The following CENPK variants were observed in gnomAD, a reference collection of about 807,000 sequenced individuals.
CENPK encodes centromere protein K, also known as SoxLZ/Sox6-binding protein Solt.
In CENPK, 46 loss-of-function variants were observed where a neutral mutation model predicts 40.9. The observed-to-expected ratio is 1.13, with a 90% CI of 0.89 to 1.44. CENPK has a LOEUF of 1.44. CENPK is among the 40% of genes most tolerant of loss of function. The probability of loss-of-function intolerance (pLI) is 0.00; values close to 1 mark genes in which losing one functional copy is unlikely to be tolerated. For missense variants in CENPK, 288 were observed against 303.5 expected (o/e 0.95, Z 0.38); for synonymous variants, 107 against 104.4 (o/e 1.02, Z -0.15).
intron 6 of CENPK, among the ~76,000 whole-genome samples, chr5:65,539,665 C>T (rs970481303): frequency 6.8e-6 from 1 of 146,040 alleles, no homozygotes; most frequent in Non-Finnish European, 1.6e-5. Context: ...GCAAAATGGC[C>T]CTCTAGCAGC....
At chr5:65,528,674 A>G in intron 8 of CENPK, 96 bp from the exon 9 acceptor site, 1 of 1,341,902 alleles carries the variant, frequency 7.5e-7, no homozygotes, top group Non-Finnish European at 9.8e-7. Context: ...AACTTTGTTA[A>G]AACTTCATTT....
At chr5:65,533,397 A>T (rs72762428) in intron 6 of CENPK, among the ~76,000 whole-genome samples, 1 of 152,040 alleles carries the variant, frequency 6.6e-6, no homozygotes, top group Non-Finnish European at 1.5e-5. Context: ...ATAAGACTTC[A>T]TAAACTGTAA....
At chr5:65,557,093 G>A (rs1244236278) in intron 2 of CENPK, among the ~76,000 whole-genome samples, 1 of 152,096 alleles carries the variant, frequency 6.6e-6, no homozygotes, top group African/African-American at 2.4e-5. Flanking sequence ...AGGAGCTATT[G>A]AGGTAAGAAC....
At chr5:65,514,732 T>C (rs1294140178), downstream of CENPK, among the ~76,000 whole-genome samples, 4 of 152,224 alleles carry the variant, frequency 2.6e-5, no homozygotes, top group African/African-American at 7.2e-5. Context: ...ATTGATTCAA[T>C]TTATTTTATA....
chr5:65,515,721 C>A (rs1056661160), downstream of CENPK, among the ~76,000 whole-genome samples: 1 of 152,040 alleles, frequency 6.6e-6, no homozygotes, highest in African/African-American at 2.4e-5. Flanking sequence ...GTTAATTACC[C>A]TTTTATCACC....
chr5:65,550,988 T>C (rs972185353), intron 5 of CENPK: 1 of 163,970 alleles, frequency 6.1e-6, no homozygotes, highest in African/African-American at 2.4e-5. Flanking sequence ...ACGCCAGTAA[T>C]CCAGGCACTT....
intron 9 of CENPK, among the ~76,000 whole-genome samples, chr5:65,523,819 A>G (rs1186816374): frequency 6.6e-6 from 1 of 152,086 alleles, no homozygotes; most frequent in Non-Finnish European, 1.5e-5. Flanking sequence ...AATATAAAGA[A>G]CTCTCCAGAT....
chr5:65,547,956 G>A (rs926921198), intron 5 of CENPK, among the ~76,000 whole-genome samples: 5 of 152,302 alleles, frequency 3.3e-5, no homozygotes, highest in Middle Eastern at 3.4e-3. Context: ...GAGCCACAGC[G>A]CCCAGCCTGG....
chr5:65,524,428 A>G lies in CENPK; in HGVS notation c.598-2900T>C, dbSNP rs184011820. On this transcript the variant is annotated intron_variant, in intron 9 of 10. Coordinates refer to ENST00000396679, the MANE Select transcript of CENPK (RefSeq NM_022145.5). The stretch of plus-strand genomic sequence containing the variant: ...AACTCTGGGAGGCTGAGTCGGGCGG[A>G]TCATAAGGTCAGGAGGTCGAGACCA... Among the ~76,000 whole-genome samples, 4 of 150,826 alleles carry G rather than the reference A, an allele frequency of 2.7e-5. No individual in the cohort carries two copies. In the East Asian group the frequency reaches 7.8e-4, roughly 29 times the overall value.
At chr5:65,544,609 A>C (rs1469734353) in intron 5 of CENPK, among the ~76,000 whole-genome samples, 1 of 152,232 alleles carries the variant, frequency 6.6e-6, no homozygotes, top group Non-Finnish European at 1.5e-5. Flanking sequence ...CATTCACAGT[A>C]ATGAAATTAT....
rs749758005 is a variant in CENPK, at chr5:65,518,503, C to A, written c.782G>T (p.Arg261Leu). The A allele has an allele frequency of 6.2e-7, 1 of 1,611,930 alleles. No individual in the cohort carries two copies. Among genetic ancestry groups the A allele is most frequent in the South Asian group, 1.1e-5 (1 of 90,392 alleles). The change falls in exon 11 of 11, where the codon CGA (arginine) becomes CTA (leucine). Residue 261 changes from arginine (R) to leucine (L), a missense_variant. Transcript: ENST00000396679. ...CTGATGGAAAGCTTCTAATCTTATT[C>A]GGGTTGGATCTTCTGGATGTCTCAA... ...IALRHPEDPT[R>L]IRLEAFHQ
At chr5:65,555,721 AG>A (rs1303265320) in intron 2 of CENPK, among the ~76,000 whole-genome samples, 1 of 152,360 alleles carries the variant, frequency 6.6e-6, no homozygotes, top group East Asian at 1.9e-4. Flanking sequence ...ATTTCTTAAC[AG>A]CATGTATATG....
intron 9 of CENPK, among the ~76,000 whole-genome samples, chr5:65,525,409 T>C (rs1364762235): frequency 2.0e-5 from 3 of 152,138 alleles, no homozygotes; most frequent in Non-Finnish European, 2.9e-5. Context: ...TATTAGCATT[T>C]ACAAAATTAC....
In CENPK at chr5:65,561,509, C is replaced by A. The variant is rs2150571791; in HGVS notation, c.-86G>T. 2.2e-6 allele frequency: 1 copy of A among 456,020 alleles called. No homozygotes were observed. The highest frequency in any genetic ancestry group is 1.5e-5 in the South Asian group (1 of 64,554). 28.2% of individuals were successfully genotyped at this position (456,020 alleles called of 1,614,324 possible). On this transcript the variant is annotated 5_prime_UTR_variant, in exon 2 of 11. An upstream start codon of the reference 5' UTR is lost. Transcript: ENST00000396679. The stretch of plus-strand genomic sequence containing the variant: ...AGCTGTATGTAACCTGGAAGAGGGT[C>A]ATCAACAGAACCAGAAAATGATGGC...
At chr5:65,536,752 T>C (rs933576170) in intron 6 of CENPK, among the ~76,000 whole-genome samples, 1 of 152,240 alleles carries the variant, frequency 6.6e-6, no homozygotes, top group African/African-American at 2.4e-5. Flanking sequence ...CAACTTATAA[T>C]GGTAAAATTT....
At chr5:65,558,415 T>C (rs1751351529) in intron 2 of CENPK, among the ~76,000 whole-genome samples, 1 of 152,158 alleles carries the variant, frequency 6.6e-6, no homozygotes, top group South Asian at 2.1e-4. Context: ...GGGAGGGTCA[T>C]CAGAATATCA....
At chr5:65,519,621 T>C (rs1298648927) in intron 10 of CENPK, among the ~76,000 whole-genome samples, 3 of 152,218 alleles carry the variant, frequency 2.0e-5, no homozygotes, top group Non-Finnish European at 4.4e-5. Context: ...AGAGAATGCA[T>C]AATTTATACA....
Position 65,530,771 on chromosome 5 carries a change from A to G in CENPK, c.289-1572T>C, listed in dbSNP as rs532067188. Among the ~76,000 whole-genome samples the G allele has an allele frequency of 2.6e-3, 399 of 152,232 alleles. 1 individual carries two copies. Among genetic ancestry groups the G allele is most frequent in the African/African-American group, 8.9e-3 (370 of 41,538 alleles). ...AAATAAATACAAAAATTAGCCAGGCATGGTGCCACATGCCTGTAGTCCCAG... is the reference window on the plus strand; with the variant it reads ...AAATAAATACAAAAATTAGCCAGGCGTGGTGCCACATGCCTGTAGTCCCAG... On this transcript the variant is annotated intron_variant, in intron 6 of 10. Coordinates refer to ENST00000396679, the MANE Select transcript of CENPK (RefSeq NM_022145.5).
At chr5:65,532,396 T>A (rs566299619) in intron 6 of CENPK, among the ~76,000 whole-genome samples, 2 of 152,114 alleles carry the variant, frequency 1.3e-5, no homozygotes, top group Admixed American at 1.3e-4. Flanking sequence ...ACTTCCTAAT[T>A]TGTTCTGAGG....
Sources: gnomAD v4.1 joint callset for allele counts (sites outside exome capture counted in the v4.1 genomes callset) on GRCh38, gnomAD v4.1.1 for gene constraint, MANE v1.5 for transcripts, NCBI Gene and HGNC (gene_info 2026-07-23, HGNC 2026-07-21) for gene names.